The following TRIO variants were observed in gnomAD, a reference collection of about 807,000 sequenced individuals.
TRIO encodes the protein trio Rho guanine nucleotide exchange factor.
In TRIO, 58 loss-of-function variants were observed where a neutral mutation model predicts 351.9. That is an observed-to-expected ratio of 0.16 (90% confidence interval 0.13 to 0.21). The LOEUF is 0.21. Among genes scored for constraint, TRIO ranks in the 10% least tolerant of loss-of-function variants. The pLI is 1.00. For missense variants in TRIO, 3,201 were observed against 4,027.8 expected (o/e 0.79, Z 5.56); for synonymous variants, 1,758 against 1,595.7 (o/e 1.10, Z -2.42).
intron 13 of TRIO, among the ~76,000 whole-genome samples, chr5:14,361,787 G>T (rs57560019): frequency 0.033 from 5,086 of 152,278 alleles, 311 homozygotes; most frequent in African/African-American, 0.12. Flanking sequence ...TCTCTCGCAA[G>T]AAGCTTTTCC....
intron 40 of TRIO, among the ~76,000 whole-genome samples, chr5:14,476,354 G>A (rs1207443733): frequency 6.6e-6 from 1 of 152,214 alleles, no homozygotes; most frequent in African/African-American, 2.4e-5. Context: ...GGGATATACA[G>A]TCGTGCCTCA....
chr5:14,272,527 CAA>C (rs1230490822), intron 2 of TRIO, among the ~76,000 whole-genome samples: 1 of 152,148 alleles, frequency 6.6e-6, no homozygotes, highest in Non-Finnish European at 1.5e-5. Flanking sequence ...ATCAAAGAAA[CAA>C]AATCGGCAGT....
rs536720235 is a variant in TRIO, at chr5:14,375,660, A to T, written c.3331+1317A>T. Among the ~76,000 whole-genome samples the T allele has an allele frequency of 7.0e-4, 107 of 152,320 alleles. 1 individual carries two copies. The highest frequency in any genetic ancestry group is 2.5e-3 in the African/African-American group (104 of 41,552). Reference sequence around the variant, plus strand: ...CAAGGCACAGGCAAGGAGGAGTCTCAGACCACGTGGTCAGAGGACCCCCAG... The same window carrying T: ...CAAGGCACAGGCAAGGAGGAGTCTCTGACCACGTGGTCAGAGGACCCCCAG... On this transcript the variant is annotated intron_variant, in intron 19 of 56. Transcript: ENST00000344204.
chr5:14,507,453 G>C (rs1243860053), intron 56 of TRIO, among the ~76,000 whole-genome samples, 193 bp downstream of exon 56: 1 of 152,200 alleles, frequency 6.6e-6, no homozygotes, highest in Non-Finnish European at 1.5e-5. Flanking sequence ...ACACGGTCAG[G>C]AGCACACTGG....
At chr5:14,484,386 G>A (rs9312869) in intron 46 of TRIO, among the ~76,000 whole-genome samples, 3 of 152,108 alleles carry the variant, frequency 2.0e-5, no homozygotes, top group East Asian at 3.8e-4. Context: ...AATCCCAGAC[G>A]CATATTTCTA....
chr5:14,498,373 C>G (rs915922265), intron 52 of TRIO, 122 bp downstream of exon 52: 1 of 1,508,358 alleles, frequency 6.6e-7, no homozygotes, highest in Admixed American at 2.0e-5. Context: ...CCACTTCTTC[C>G]GTGAGAGCCC....
intron 1 of TRIO, among the ~76,000 whole-genome samples, chr5:14,158,649 T>C (rs374239431): frequency 2.0e-5 from 3 of 152,110 alleles, no homozygotes; most frequent in African/African-American, 7.2e-5. Flanking sequence ...CTGGGCAACA[T>C]AGTGAGATTC....
intron 1 of TRIO, among the ~76,000 whole-genome samples, chr5:14,245,634 C>G (rs993485011): frequency 6.6e-6 from 1 of 152,178 alleles, no homozygotes; most frequent in Non-Finnish European, 1.5e-5. Flanking sequence ...AGATCAGTGG[C>G]CTTTGCAATA....
At chr5:14,315,389 A>G (rs908228851) in intron 8 of TRIO, among the ~76,000 whole-genome samples, 4 of 151,686 alleles carry the variant, frequency 2.6e-5, no homozygotes, top group Non-Finnish European at 5.9e-5. Context: ...AGTAGCTGGG[A>G]CTACAGGTGC....
At chr5:14,347,491 C>G (rs1742528251) in intron 11 of TRIO, among the ~76,000 whole-genome samples, 1 of 152,260 alleles carries the variant, frequency 6.6e-6, no homozygotes, top group Admixed American at 6.5e-5. Flanking sequence ...TCCACGTAAC[C>G]TATTCAGGAC....
intron 8 of TRIO, among the ~76,000 whole-genome samples, chr5:14,309,156 T>G (rs1738679650): frequency 2.0e-5 from 3 of 151,574 alleles, no homozygotes; most frequent in Admixed American, 2.0e-4. Flanking sequence ...TGTGTCTATC[T>G]GTATTAAAAA....
chr5:14,340,983 G>A (rs759482662), intron 11 of TRIO, among the ~76,000 whole-genome samples: 3 of 152,158 alleles, frequency 2.0e-5, no homozygotes, highest in East Asian at 1.9e-4. Flanking sequence ...CCTGAGGTTC[G>A]TAGCCTCCTT....
chr5:14,363,640 A>G, intron 13 of TRIO, 92 bp from the exon 14 acceptor site: 1 of 1,246,814 alleles, frequency 8.0e-7, no homozygotes, highest in Non-Finnish European at 1.1e-6. Flanking sequence ...GTCCTTTGGC[A>G]GAGAGACATC....
chr5:14,488,486 C>T, intron 48 of TRIO: 1 of 595,738 alleles, frequency 1.7e-6, no homozygotes. Context: ...GATCATTAAC[C>T]TTCTCAACGC....
At chr5:14,281,960 A>C (rs565164868) in intron 3 of TRIO, among the ~76,000 whole-genome samples, 2 of 152,190 alleles carry the variant, frequency 1.3e-5, no homozygotes, top group Admixed American at 6.5e-5. Flanking sequence ...AGGTTGACAC[A>C]AGCGGGACAA....
At chr5:14,151,304 T>C (rs1001045963) in intron 1 of TRIO, among the ~76,000 whole-genome samples, 5 of 152,108 alleles carry the variant, frequency 3.3e-5, no homozygotes, top group South Asian at 4.1e-4. Flanking sequence ...AAAAACACAG[T>C]TCAAATTTAC....
At chr5:14,471,834 G>C (rs2126554017) in intron 38 of TRIO, among the ~76,000 whole-genome samples, 1 of 152,158 alleles carries the variant, frequency 6.6e-6, no homozygotes, top group South Asian at 2.1e-4. Flanking sequence ...ATACTTTACT[G>C]GTTTCTCAAT....
At chr5:14,254,196 C>G (rs1794902122) in intron 1 of TRIO, among the ~76,000 whole-genome samples, 1 of 151,842 alleles carries the variant, frequency 6.6e-6, no homozygotes, top group African/African-American at 2.4e-5. Context: ...CCCCCTCCCC[C>G]CGCCTGAGAC....
At chr5:14,488,567 C>G in intron 48 of TRIO, 1 of 513,922 alleles carries the variant, frequency 1.9e-6, no homozygotes, top group Non-Finnish European at 3.4e-6. Context: ...TAACCTCTGC[C>G]TTCCTCACGC....
Sources: gnomAD v4.1 joint callset for allele counts (sites outside exome capture counted in the v4.1 genomes callset) on GRCh38, gnomAD v4.1.1 for gene constraint, MANE v1.5 for transcripts, NCBI Gene and HGNC (gene_info 2026-07-23, HGNC 2026-07-21) for gene names.